PLCE1: variants seen among roughly 807,000 people sequenced by gnomAD.
The protein encoded by PLCE1 is phospholipase C epsilon 1.
Under a neutral mutation model 242.8 loss-of-function variants are expected in PLCE1, and 119 were observed. That is an observed-to-expected ratio of 0.49 (90% CI 0.42 to 0.57). The LOEUF (loss-of-function observed/expected upper bound fraction) is 0.57. PLCE1 is among the 20% of genes least tolerant of loss of function. The pLI, the probability that PLCE1 is intolerant of heterozygous loss-of-function variation, is 0.00. For synonymous variants in PLCE1, 945 were observed against 1,017.4 expected (o/e 0.93, Z 1.35); for missense variants, 2,441 against 2,788.8 (o/e 0.88, Z 2.81).
At chr10:94,124,828 G>T (rs2046394522) in intron 2 of PLCE1, among the ~76,000 whole-genome samples, 1 of 152,200 alleles carries the variant, frequency 6.6e-6, no homozygotes, top group South Asian at 2.1e-4. Context: ...ATCAGCAAAT[G>T]ATAATGAAAT....
At chr10:94,121,692 T>C (rs1253667156) in intron 2 of PLCE1, among the ~76,000 whole-genome samples, 1 of 152,148 alleles carries the variant, frequency 6.6e-6, no homozygotes, top group Admixed American at 6.6e-5. Flanking sequence ...ATGATCAGTG[T>C]GACGCAAAGA....
At chr10:94,213,144 A>T (rs549350868) in intron 4 of PLCE1, among the ~76,000 whole-genome samples, 1 of 152,152 alleles carries the variant, frequency 6.6e-6, no homozygotes, top group African/African-American at 2.4e-5. Flanking sequence ...TCATTTCAGG[A>T]CATTCACTGT....
intron 3 of PLCE1, among the ~76,000 whole-genome samples, chr10:94,166,423 A>C (rs540105009): frequency 6.6e-6 from 1 of 152,186 alleles, no homozygotes; most frequent in Non-Finnish European, 1.5e-5. Context: ...ACATAGGTAC[A>C]TGGAGATTCT....
At chr10:94,207,462 G>A (rs1197311836) in intron 4 of PLCE1, among the ~76,000 whole-genome samples, 1 of 151,626 alleles carries the variant, frequency 6.6e-6, no homozygotes, top group African/African-American at 2.4e-5. Context: ...GTTTCATTAT[G>A]AATGTAGGCT....
At chr10:94,076,557 T>C (rs2044508447) in intron 2 of PLCE1, among the ~76,000 whole-genome samples, 1 of 152,182 alleles carries the variant, frequency 6.6e-6, no homozygotes, top group African/African-American at 2.4e-5. Flanking sequence ...TAGAACTGAA[T>C]CTTTCAGCAC....
intron 2 of PLCE1, among the ~76,000 whole-genome samples, chr10:94,084,502 C>T (rs1274292199): frequency 6.6e-6 from 1 of 152,296 alleles, no homozygotes; most frequent in Non-Finnish European, 1.5e-5. Context: ...GAGGCCCTTC[C>T]TGTGCCGACA....
intron 2 of PLCE1, among the ~76,000 whole-genome samples, chr10:94,056,986 C>T (rs1170490360): frequency 2.0e-5 from 3 of 152,142 alleles, no homozygotes; most frequent in Admixed American, 2.0e-4. Context: ...TAGTACTTCA[C>T]TACTTTTTAT....
intron 1 of PLCE1, among the ~76,000 whole-genome samples, chr10:93,999,333 G>A (rs1042390335): frequency 6.6e-6 from 1 of 152,112 alleles, no homozygotes; most frequent in African/African-American, 2.4e-5. Context: ...AGGAAACTGA[G>A]GCACTGAGAG....
chr10:94,052,574 A>G (rs2043794650), intron 2 of PLCE1, among the ~76,000 whole-genome samples: 1 of 152,246 alleles, frequency 6.6e-6, no homozygotes, highest in South Asian at 2.1e-4. Flanking sequence ...AAATTTAAAC[A>G]TATTGTATTT....
intron 24 of PLCE1, among the ~76,000 whole-genome samples, chr10:94,302,262 C>T (rs1317528015): frequency 6.6e-6 from 1 of 152,168 alleles, no homozygotes; most frequent in African/African-American, 2.4e-5. Context: ...GGGGAAAGAG[C>T]TGATGCACGC....
At chr10:93,996,138 C>A (rs2060816286) in intron 1 of PLCE1, among the ~76,000 whole-genome samples, 1 of 152,126 alleles carries the variant, frequency 6.6e-6, no homozygotes, top group South Asian at 2.1e-4. Context: ...TGTGTGCGCG[C>A]GCGTGTGTGT....
intron 1 of PLCE1, among the ~76,000 whole-genome samples, chr10:94,019,967 TA>T (rs1402265197): frequency 2.4e-4 from 36 of 152,254 alleles, no homozygotes; most frequent in African/African-American, 8.7e-4. Flanking sequence ...AAAGTTGCTA[TA>T]AACATTTTTG....
chr10:94,057,484 T>C (rs917844787), intron 2 of PLCE1, among the ~76,000 whole-genome samples: 2 of 152,216 alleles, frequency 1.3e-5, no homozygotes, highest in African/African-American at 2.4e-5. Flanking sequence ...GACATTTGTA[T>C]GCATGTCTAT....
chr10:94,264,547 A>C (rs2051441268), intron 14 of PLCE1, among the ~76,000 whole-genome samples: 1 of 116,372 alleles, frequency 8.6e-6, no homozygotes, highest in African/African-American at 3.4e-5. Context: ...TTTGAGACAG[A>C]GTCTTGCTCT....
intron 22 of PLCE1, among the ~76,000 whole-genome samples, chr10:94,291,254 G>A (rs567137915): frequency 2.9e-4 from 44 of 152,182 alleles, no homozygotes; most frequent in Admixed American, 1.2e-3. Context: ...CTCCCAAGTC[G>A]CTGGGACTAC....
Position 93,993,962 on chromosome 10 carries a change from T to G in PLCE1, c.-661T>G, listed in dbSNP as rs2060767515. The stretch of plus-strand genomic sequence containing the variant: ...CGCGCACATCTCGGCGGGAGCGGAC[T>G]GTGAACGGCGCGGGTCCACACGGTA... On this transcript the variant is annotated 5_prime_UTR_variant, in exon 1 of 33. Transcript: ENST00000371380. Among the ~76,000 whole-genome samples, 2 of 151,206 alleles carry G rather than the reference T, an allele frequency of 1.3e-5. No homozygotes were observed. The highest frequency in any genetic ancestry group is 4.1e-4 in the South Asian group (2 of 4,824).
rs558853888 is a variant in PLCE1 at position 94,119,162 on chromosome 10, C to T, written c.1207-13012C>T. Among the ~76,000 whole-genome samples, 4 of 152,206 alleles carry T rather than the reference C, an allele frequency of 2.6e-5. No homozygotes were observed. In the South Asian group the frequency reaches 8.3e-4, roughly 32 times the overall value. On this transcript the variant is annotated intron_variant, in intron 2 of 32. Coordinates refer to ENST00000371380, the MANE Select transcript of PLCE1 (RefSeq NM_016341.4). ...GTTCCAGGCTGGTAGGTAATGTGTA[C>T]TTTGTCCTTTCTCATTGGTTTTTAT...
intron 24 of PLCE1, among the ~76,000 whole-genome samples, chr10:94,300,666 GC>G (rs201155138): frequency 0.026 from 3,970 of 152,254 alleles, 75 homozygotes; most frequent in Middle Eastern, 0.068. Flanking sequence ...CTGAGTTGAG[GC>G]AGATTATCTC....
chr10:94,263,809 T>C (rs955316893), intron 14 of PLCE1, among the ~76,000 whole-genome samples: 3 of 152,212 alleles, frequency 2.0e-5, no homozygotes, highest in Non-Finnish European at 4.4e-5. Context: ...ACATTATTAG[T>C]GTAATAATAT....
Sources: allele counts gnomAD v4.1 joint callset (sites outside exome capture counted in the v4.1 genomes callset), GRCh38; gene constraint gnomAD v4.1.1; transcripts MANE v1.5; gene names NCBI Gene and HGNC (gene_info 2026-07-23, HGNC 2026-07-21).